PDE8A: variants seen among roughly 807,000 people sequenced by gnomAD.
PDE8A encodes high affinity cAMP-specific and IBMX-insensitive 3',5'-cyclic phosphodiesterase 8A.
PDE8A carries 59 observed loss-of-function variants against 105.0 expected under a neutral mutation model. The ratio of observed to expected loss-of-function variants is 0.56; its 90% CI spans 0.46 to 0.70. PDE8A has a LOEUF of 0.70. PDE8A is among the 30% of genes least tolerant of loss of function. The pLI, the probability that PDE8A is intolerant of heterozygous loss-of-function variation, is 0.00. For missense variants in PDE8A, 1,014 were observed against 1,045.9 expected (o/e 0.97, Z 0.42); for synonymous variants, 355 against 371.9 (o/e 0.95, Z 0.52).
intron 5 of PDE8A, among the ~76,000 whole-genome samples, chr15:85,079,976 A>G (rs575559860): frequency 1.3e-5 from 2 of 152,312 alleles, no homozygotes; most frequent in African/African-American, 4.8e-5. Context: ...CCTTTAAAAG[A>G]TAGGCTGTTA....
chr15:85,013,601 A>G (rs1258582179), intron 1 of PDE8A, among the ~76,000 whole-genome samples: 1 of 152,238 alleles, frequency 6.6e-6, no homozygotes, highest in East Asian at 1.9e-4. Context: ...TGGAGAATTT[A>G]TAACATGTAC....
chr15:85,094,807 C>CT (rs1400909198), intron 8 of PDE8A, among the ~76,000 whole-genome samples: 1 of 152,192 alleles, frequency 6.6e-6, no homozygotes, highest in African/African-American at 2.4e-5. Flanking sequence ...GTGTGTAACT[C>CT]TGTCTCCTTG....
chr15:85,084,988 G>A (rs747109675), intron 6 of PDE8A, among the ~76,000 whole-genome samples: 38 of 152,044 alleles, frequency 2.5e-4, no homozygotes, highest in Admixed American at 1.9e-3. Context: ...CTTTTTACCT[G>A]GATTATTGAA....
At chr15:85,036,401 T>C (rs1209638820) in intron 1 of PDE8A, among the ~76,000 whole-genome samples, 1 of 152,322 alleles carries the variant, frequency 6.6e-6, no homozygotes, top group South Asian at 2.1e-4. Context: ...GTTAGAGACA[T>C]TGAAGGACAG....
chr15:85,075,900 T>C lies in PDE8A; in HGVS notation c.473T>C (p.Ile158Thr), dbSNP rs1260907158. The C allele has an allele frequency of 3.2e-6, 5 of 1,573,330 alleles. No individual in the cohort carries two copies. Among genetic ancestry groups the C allele is most frequent in the African/African-American group, 1.4e-5 (1 of 74,040 alleles). Reference protein sequence around the residue: ...RSSKLSENTVIVGVVRRVDRE... With the variant: ...RSSKLSENTVTVGVVRRVDRE... ...TCAAAACTCTCAGAAAACACAGTTATTGTTGGTGTAGTACGCAGGTAAACT... is the reference window on the plus strand; with the variant it reads ...TCAAAACTCTCAGAAAACACAGTTACTGTTGGTGTAGTACGCAGGTAAACT... Residue 158 changes from isoleucine (I) to threonine (T), a missense_variant, in exon 4 of 22, where the codon ATT (isoleucine) becomes ACT (threonine). Physicochemically the swap from Ile to Thr is moderately conservative, Grantham distance 89. Transcript: ENST00000394553.
intron 1 of PDE8A, among the ~76,000 whole-genome samples, chr15:84,985,413 T>C (rs754517700): frequency 6.6e-6 from 1 of 152,198 alleles, no homozygotes; most frequent in African/African-American, 2.4e-5. Context: ...ACTTAGAGTT[T>C]TGTTTATTTT....
intron 2 of PDE8A, among the ~76,000 whole-genome samples, chr15:85,066,473 A>G (rs1340398972): frequency 6.6e-6 from 1 of 151,998 alleles, no homozygotes; most frequent in Admixed American, 6.5e-5. Flanking sequence ...TCTGAGGTAC[A>G]AGAACACTGG....
intron 1 of PDE8A, among the ~76,000 whole-genome samples, chr15:85,041,345 CA>C (rs2141396192): frequency 6.6e-6 from 1 of 152,300 alleles, no homozygotes; most frequent in Non-Finnish European, 1.5e-5. Context: ...TGCTTATTAG[CA>C]AGTGTTTGCT....
At chr15:85,002,676 G>C (rs577514767) in intron 1 of PDE8A, among the ~76,000 whole-genome samples, 1 of 152,320 alleles carries the variant, frequency 6.6e-6, no homozygotes, top group South Asian at 2.1e-4. Context: ...TGGGGGAGGT[G>C]GGGGAGGTAT....
intron 16 of PDE8A, 78 bp from the exon 17 acceptor site, chr15:85,117,563 T>G: frequency 8.1e-7 from 1 of 1,240,160 alleles, no homozygotes; most frequent in Non-Finnish European, 1.2e-6. Context: ...AAATTTGGCT[T>G]GGAACCTATT....
At position 85,120,992 on chromosome 15, in the gene PDE8A, A is replaced by G. The variant is rs1237135427; in HGVS notation, c.1930A>G (p.Asn644Asp). Residue 644 changes from asparagine to aspartate, a missense_variant, in exon 18 of 22, where the codon AAT becomes GAT. Transcript: ENST00000394553. ...FQLTTGDDKC[N>D]IFKNMERNDY... ...GCTGACCACTGGAGATGATAAATGCAATATATTTAAAAACATGGAGAGGTA... is the reference window on the plus strand; with the variant it reads ...GCTGACCACTGGAGATGATAAATGCGATATATTTAAAAACATGGAGAGGTA... 6 of 1,610,114 alleles carry G rather than the reference A, an allele frequency of 3.7e-6. No homozygotes were observed. Among genetic ancestry groups the G allele is most frequent in the Admixed American group, 1.7e-5 (1 of 59,680 alleles).
intron 1 of PDE8A, among the ~76,000 whole-genome samples, chr15:85,045,319 G>A (rs2080870114): frequency 6.6e-6 from 1 of 152,202 alleles, no homozygotes; most frequent in Non-Finnish European, 1.5e-5. Flanking sequence ...GATAAATGCT[G>A]TTTTCCAGTT....
At chr15:85,075,660 AAC>A (rs1352249122) in intron 3 of PDE8A, among the ~76,000 whole-genome samples, 200 bp from the exon 4 acceptor site, 2 of 152,216 alleles carry the variant, frequency 1.3e-5, no homozygotes, top group Non-Finnish European at 2.9e-5. Flanking sequence ...CATTACAGTT[AAC>A]ACAGTCCACT....
At chr15:85,082,560 AC>A (rs1297453357) in intron 5 of PDE8A, among the ~76,000 whole-genome samples, 1 of 152,106 alleles carries the variant, frequency 6.6e-6, no homozygotes, top group Non-Finnish European at 1.5e-5. Context: ...GACCCTGATC[AC>A]AGTTCAGACG....
Position 85,115,568 on chromosome 15 carries a change from C to T in PDE8A, c.1399+81C>T, listed in dbSNP as rs538093372. On this transcript the variant is annotated intron_variant, in intron 15 of 21. Transcript: ENST00000394553. ...TTAAGTGATGAAAATAATTTTTCAC[C>T]TCATTAAGAAGTTTCTTGGTATGTC... The T allele has an allele frequency of 2.5e-5, 18 of 718,936 alleles. No individual in the cohort carries two copies. The East Asian group carries it at 5.2e-4, about 21-fold the overall frequency. The allele number at this position is 718,936 out of a possible 1,614,324, so 44.5% of individuals were successfully genotyped here.
intron 11 of PDE8A, among the ~76,000 whole-genome samples, chr15:85,104,367 A>G (rs2081915463): frequency 6.6e-6 from 1 of 152,146 alleles, no homozygotes; most frequent in Non-Finnish European, 1.5e-5. Flanking sequence ...CCATAAAGGC[A>G]TCGCGAAGCG....
chr15:85,064,237 T>C (rs528080782), intron 1 of PDE8A, 133 bp from the exon 2 acceptor site: 22 of 603,706 alleles, frequency 3.6e-5, no homozygotes, highest in Middle Eastern at 2.6e-4. Context: ...TCATTTCATT[T>C]ATCTACTATT....
At position 85,130,352 on chromosome 15, in the gene PDE8A, T is replaced by C. The variant is rs139301874; in HGVS notation, c.2253+3978T>C. ...TCAAACCATATCAAAGCATATGCTA[T>C]TTAATTTCCAGATACTTGTGAGTTT... is the stretch of plus-strand genomic sequence containing the variant. On this transcript the variant is annotated intron_variant, in intron 20 of 21. Transcript: ENST00000394553. 9.6e-4 allele frequency among the ~76,000 whole-genome samples: 146 copies of C among 152,330 alleles called. 1 individual carries two copies. The highest frequency in any genetic ancestry group is 3.4e-3 in the African/African-American group (141 of 41,580).
chr15:85,125,356 A>C (rs1196116756), intron 19 of PDE8A, among the ~76,000 whole-genome samples: 1 of 152,106 alleles, frequency 6.6e-6, no homozygotes, highest in Non-Finnish European at 1.5e-5. Flanking sequence ...AGTCTTTTTC[A>C]TTGCTCTCTG....
Sources: gnomAD v4.1 joint callset for allele counts (sites outside exome capture counted in the v4.1 genomes callset) on GRCh38, gnomAD v4.1.1 for gene constraint, MANE v1.5 for transcripts, NCBI Gene and HGNC (gene_info 2026-07-23, HGNC 2026-07-21) for gene names.